The following METRN variants were observed in gnomAD, a reference collection of about 807,000 sequenced individuals.
METRN encodes meteorin, glial cell differentiation regulator.
Under a neutral mutation model 17.4 loss-of-function variants are expected in METRN, and 17 were observed. The ratio of observed to expected loss-of-function variants is 0.98; its 90% CI spans 0.67 to 1.46. METRN has a LOEUF of 1.46. Ranked by LOEUF, METRN falls within the 40% of genes most tolerant of loss-of-function variation. The pLI is 0.00. For synonymous variants in METRN, 230 were observed against 210.8 expected (o/e 1.09, Z -0.79); for missense variants, 489 against 456.2 (o/e 1.07, Z -0.65).
Position 717,221 on chromosome 16 carries a change from C to T in METRN, c.716C>T (p.Pro239Leu). ...GDQGLTSIRT[P>L]LRCGVHPGPG... ...CAGGGGCTGACCTCCATTCGTACCC[C>T]ACTGCGCTGTGGCGTCCACCCGGGC... is the stretch of plus-strand genomic sequence containing the variant. The change falls in exon 4 of 4, where the codon CCA becomes CTA. Residue 239 changes from proline (P) to leucine (L), a missense_variant. Coordinates refer to ENST00000568223, the MANE Select transcript of METRN (RefSeq NM_024042.4). The T allele has an allele frequency of 6.3e-7, 1 of 1,592,796 alleles. No homozygotes were observed. Among genetic ancestry groups the T allele is most frequent in the Admixed American group, 1.7e-5 (1 of 57,986 alleles).
chr16:715,713 C>G lies in METRN; in HGVS notation c.234C>G (p.Pro78=), dbSNP rs771715351. ...GCGGCCCCGATCCCAGAGCGCGGCC[C>G]GGCATCGCCTGTCTGCGGCCGGTGC... The part of the protein sequence containing the change: ...TLGGPDPRAR[P]GIACLRPVRP... Residue 78 remains proline, a synonymous_variant, in exon 2 of 4, where the codon CCC becomes CCG. Transcript: ENST00000568223. The G allele has an allele frequency of 1.4e-5, 19 of 1,371,484 alleles. No homozygotes were observed. The Middle Eastern group carries it at 8.0e-4, about 58-fold the overall frequency. 85.0% of individuals were successfully genotyped at this position (1,371,484 alleles called of 1,614,324 possible).
In METRN at chr16:716,646, G is replaced by A. The variant is rs578056503; in HGVS notation, c.506-287G>A. On this transcript the variant is annotated intron_variant, in intron 2 of 3. Coordinates refer to ENST00000568223, the MANE Select transcript of METRN (RefSeq NM_024042.4). ...CATATGTCAGATGGGAGTGCAGGAG[G>A]GCGGCCCAGGACAGCTGATCGCTAG... 9.3e-5 allele frequency: 143 copies of A among 1,535,396 alleles called. 2 individuals carry two copies. In the South Asian group the frequency reaches 1.5e-3, roughly 16 times the overall value.
In METRN at chr16:717,456, A is replaced by G. The variant is rs551737574; in HGVS notation, c.*69A>G. On this transcript the variant is annotated 3_prime_UTR_variant, in exon 4 of 4. Coordinates refer to ENST00000568223, the MANE Select transcript of METRN (RefSeq NM_024042.4). The stretch of plus-strand genomic sequence containing the variant: ...CCACTGCTTTGGAGGTGATGGGACT[A>G]TCAATAAGAACTCTGTTCACGCAAG... 842 of 1,303,684 alleles carry G rather than the reference A, an allele frequency of 6.5e-4. 6 individuals carry two copies. In the African/African-American group the frequency reaches 0.011, roughly 17 times the overall value. 80.8% of individuals were successfully genotyped at this position (1,303,684 alleles called of 1,614,324 possible).
In METRN at chr16:715,746, C is replaced by T. The variant is rs2040155164; in HGVS notation, c.267C>T (p.Phe89=). Residue 89 remains phenylalanine (F), a synonymous_variant, in exon 2 of 4, where the codon TTC becomes TTT. Transcript: ENST00000568223. ...CCTGTCTGCGGCCGGTGCGGCCCTT[C>T]GCGGGCGCCCAGGTCTTCGCGGAGC... ...GIACLRPVRP[F]AGAQVFAERA... is the part of the protein sequence containing the mutation. 1 of 1,292,194 alleles carries T rather than the reference C, an allele frequency of 7.7e-7. No homozygotes were observed. The highest frequency in any genetic ancestry group is 9.8e-7 in the Non-Finnish European group (1 of 1,024,344). 80.0% of individuals were successfully genotyped at this position (1,292,194 alleles called of 1,614,324 possible).
At chr16:717,017 G>A (rs1173968677) in intron 3 of METRN, 25 bp downstream of exon 3, 1 of 1,610,896 alleles carries the variant, frequency 6.2e-7, no homozygotes, top group African/African-American at 1.3e-5. Context: ...CATGGGGGGA[G>A]CCTGGAGCCT....
chr16:717,428 GGC>G lies in METRN; in HGVS notation c.*42_*43del. The stretch of plus-strand genomic sequence containing the variant: ...GGAGGGGCTGGTAGGAGGGAGGGTG[GGC>G]CCACTGCTTTGGAGGTGATGGGACT... On this transcript the variant is annotated 3_prime_UTR_variant, in exon 4 of 4. Coordinates refer to ENST00000568223, the MANE Select transcript of METRN (RefSeq NM_024042.4). The G allele has an allele frequency of 7.4e-7, 1 of 1,346,324 alleles. No homozygotes were observed. The highest frequency in any genetic ancestry group is 9.7e-7 in the Non-Finnish European group (1 of 1,035,772). The allele number at this position is 1,346,324 out of a possible 1,614,324, so 83.4% of individuals were successfully genotyped here. A position where few individuals can be genotyped will look rare whatever the true frequency, so the allele number is the denominator to read the frequency against.
intron 2 of METRN, chr16:716,496 C>T (rs2040163082): frequency 2.0e-6 from 3 of 1,492,036 alleles, no homozygotes; most frequent in African/African-American, 1.4e-5. Context: ...CTATTCTGCC[C>T]CCTGGCCCTG....
In METRN at chr16:717,065, C is replaced by T. The variant is rs777826070; in HGVS notation, c.566-6C>T. 24 of 1,611,406 alleles carry T rather than the reference C, an allele frequency of 1.5e-5. No individual in the cohort carries two copies. The South Asian group carries it at 2.0e-4, about 13-fold the overall frequency. On this transcript the variant is annotated splice_polypyrimidine_tract_variant and splice_region_variant and intron_variant, in intron 3 of 3. Coordinates refer to ENST00000568223, the MANE Select transcript of METRN (RefSeq NM_024042.4). ...ATGCCTACCGCAGCCACATGCCTCC[C>T]CACAGTAATTCACGGGATCATCCAT...
Position 715,390 on chromosome 16 carries a change from G to A in METRN, c.101G>A (p.Gly34Asp). Residue 34 changes from glycine to aspartate, a missense_variant, in exon 1 of 4, where the codon GGC (glycine) becomes GAC (aspartate). Physicochemically the swap from Gly to Asp is moderately conservative, Grantham distance 94. Coordinates refer to ENST00000568223, the MANE Select transcript of METRN (RefSeq NM_024042.4). The stretch of plus-strand genomic sequence containing the variant: ...TCCGAGGAGCGCTGCAGCTGGAGGG[G>A]CAGGTACGGTCCGGGGGGCTGTCCC... ...GYSEERCSWR[G>D]SGLTQEPGSV... 7.6e-7 allele frequency: 1 copy of A among 1,321,382 alleles called. No individual in the cohort carries two copies. Among genetic ancestry groups the A allele is most frequent in the Non-Finnish European group, 9.6e-7 (1 of 1,037,664 alleles). The allele number at this position is 1,321,382 out of a possible 1,614,324, so 81.9% of individuals were successfully genotyped here.
chr16:715,313 G>A lies in METRN; in HGVS notation c.24G>A (p.Leu8=). The A allele has an allele frequency of 3.0e-6, 4 of 1,348,790 alleles. No individual in the cohort carries two copies. Among genetic ancestry groups the A allele is most frequent in the South Asian group, 1.7e-5 (1 of 58,476 alleles). The allele number at this position is 1,348,790 out of a possible 1,614,324, so 83.6% of individuals were successfully genotyped here. ...CCATGGGGTTCCCGGCCGCGGCGCT[G>A]CTCTGCGCGCTGTGCTGCGGCCTCC... The part of the protein sequence containing the change: MGFPAAA[L]LCALCCGLLA... Residue 8 remains leucine (L), a synonymous_variant, in exon 1 of 4, where the codon CTG becomes CTA. Transcript: ENST00000568223.
At chr16:716,310 G>A (rs565035010) in intron 2 of METRN, 6 of 1,389,238 alleles carry the variant, frequency 4.3e-6, no homozygotes, top group African/African-American at 1.5e-5. Context: ...AAAGCTGTCC[G>A]GGGCTCCCTG....
intron 2 of METRN, 57 bp from the exon 3 acceptor site, chr16:716,876 C>A: frequency 6.6e-7 from 1 of 1,506,458 alleles, no homozygotes. Context: ...GGGACGGGGC[C>A]TGGGGTGATG....
chr16:718,188 C>T lies in METRN; in HGVS notation c.*801C>T, dbSNP rs2040177187. On this transcript the variant is annotated 3_prime_UTR_variant, in exon 4 of 4. Coordinates refer to ENST00000568223, the MANE Select transcript of METRN (RefSeq NM_024042.4). ...CTGGCCCCATTGTCACTGTCTCCGCCTTCCTCCTCGGCCTTTCAGCCGCAT... is the reference window on the plus strand; with the variant it reads ...CTGGCCCCATTGTCACTGTCTCCGCTTTCCTCCTCGGCCTTTCAGCCGCAT... 6.6e-6 allele frequency: 1 copy of T among 152,306 alleles called. No individual in the cohort carries two copies. The highest frequency in any genetic ancestry group is 1.5e-5 in the Non-Finnish European group (1 of 68,078). 9.4% of individuals were successfully genotyped at this position (152,306 alleles called of 1,614,324 possible).
Position 716,826 on chromosome 16 carries a change from T to C in METRN, c.506-107T>C, listed in dbSNP as rs572430709. On this transcript the variant is annotated intron_variant, in intron 2 of 3. Transcript: ENST00000568223. ...GCCATCAGGCCCTGAGCGTGGGCTCTGCTCATTTGCCTGCTGCCTCCTGCC... is the reference window on the plus strand; with the variant it reads ...GCCATCAGGCCCTGAGCGTGGGCTCCGCTCATTTGCCTGCTGCCTCCTGCC... 3.0e-4 allele frequency: 444 copies of C among 1,496,604 alleles called. 1 individual carries two copies. The Middle Eastern group carries it at 4.9e-3, about 17-fold the overall frequency. 92.7% of individuals were successfully genotyped at this position (1,496,604 alleles called of 1,614,324 possible).
rs931517166 is a variant in METRN at position 717,196 on chromosome 16, C to T, written c.691C>T (p.Gln231Ter). Residue 231 changes from glutamine (Q) to a stop codon, truncating the protein, a stop_gained, in exon 4 of 4, where the codon CAG becomes TAG. Transcript: ENST00000568223. LOFTEE classifies it low-confidence loss of function (END_TRUNC). The part of the protein sequence containing the change: ...PLFQAGRSGD[Q>*]GLTSIRTPLR... ...GTTCCAGGCGGGGCGATCCGGGGAC[C>T]AGGGGCTGACCTCCATTCGTACCCC... The T allele has an allele frequency of 6.3e-7, 1 of 1,599,768 alleles. No individual in the cohort carries two copies. Among genetic ancestry groups the T allele is most frequent in the Non-Finnish European group, 8.5e-7 (1 of 1,175,388 alleles).
chr16:715,569 C>G lies in METRN; in HGVS notation c.105-15C>G, dbSNP rs1201022168. The G allele has an allele frequency of 2.3e-6, 3 of 1,322,078 alleles. No individual in the cohort carries two copies. The African/African-American group carries it at 4.6e-5, about 20-fold the overall frequency. 81.9% of individuals were successfully genotyped at this position (1,322,078 alleles called of 1,614,324 possible). A position where few individuals can be genotyped will look rare whatever the true frequency, so the allele number is the denominator to read the frequency against. ...CCCGCCCCCGTCTCAGCGCCCCGTC[C>G]CGTCCTGTCCCCAGCGGCCTCACCC... On this transcript the variant is annotated splice_polypyrimidine_tract_variant and intron_variant, in intron 1 of 3. Coordinates refer to ENST00000568223, the MANE Select transcript of METRN (RefSeq NM_024042.4).
chr16:716,812 C>T, intron 2 of METRN, 121 bp from the exon 3 acceptor site: 1 of 1,510,284 alleles, frequency 6.6e-7, no homozygotes, highest in East Asian at 2.5e-5. Context: ...CCATCAGGCC[C>T]TGAGCGTGGG....
chr16:717,329 G>C lies in METRN; in HGVS notation c.824G>C (p.Arg275Pro). The change falls in exon 4 of 4, where the codon CGT (arginine) becomes CCT (proline). Residue 275 changes from arginine to proline, a missense_variant. Transcript: ENST00000568223. Reference protein sequence around the residue: ...GCAPRFQEFRRAYEAARAAHL... With the variant: ...GCAPRFQEFRPAYEAARAAHL... ...GCCCCACGATTCCAGGAGTTCCGCC[G>C]TGCCTACGAGGCTGCCCGTGCTGCC... 1 of 1,496,724 alleles carries C rather than the reference G, an allele frequency of 6.7e-7. No individual in the cohort carries two copies. Among genetic ancestry groups the C allele is most frequent in the South Asian group, 1.3e-5 (1 of 77,016 alleles). The allele number at this position is 1,496,724 out of a possible 1,614,324, so 92.7% of individuals were successfully genotyped here.
intron 2 of METRN, chr16:716,343 C>T: frequency 7.1e-7 from 1 of 1,406,778 alleles, no homozygotes; most frequent in Non-Finnish European, 9.2e-7. Flanking sequence ...CCTCTCTCCC[C>T]TCCCCCAGCC....
Sources: gnomAD v4.1 joint callset for allele counts on GRCh38, gnomAD v4.1.1 for gene constraint, MANE v1.5 for transcripts, NCBI Gene and HGNC (gene_info 2026-07-23, HGNC 2026-07-21) for gene names.